Variants in ABCC9 observed in about 807,000 individuals in gnomAD.
The protein encoded by ABCC9 is ATP-binding cassette sub-family C member 9.
A neutral mutation model predicts 188.3 loss-of-function variants in ABCC9; 95 were observed. That is an observed-to-expected ratio of 0.50 (90% confidence interval 0.43 to 0.60). ABCC9 has a LOEUF of 0.60. ABCC9 is among the 20% of genes least tolerant of loss of function. ABCC9 has a pLI of 0.00. For synonymous variants in ABCC9, 659 were observed against 652.7 expected (o/e 1.01, Z -0.15); for missense variants, 1,102 against 1,876.3 (o/e 0.59, Z 7.62).
chr12:21,928,400 G>A (rs1949134561), intron 4 of ABCC9, among the ~76,000 whole-genome samples: 1 of 145,676 alleles, frequency 6.9e-6, no homozygotes, highest in Admixed American at 6.9e-5. Context: ...AGGAAGGGAG[G>A]GAGGGAGGAA....
chr12:21,826,227 T>G (rs1422908935), intron 31 of ABCC9, among the ~76,000 whole-genome samples: 1 of 151,858 alleles, frequency 6.6e-6, no homozygotes, highest in Non-Finnish European at 1.5e-5. Flanking sequence ...ATAAGATCAA[T>G]GCAGATGTAC....
chr12:21,859,648 C>A lies in ABCC9; in HGVS notation c.2443G>T (p.Gly815Ter), dbSNP rs267603423. The stretch of plus-strand genomic sequence containing the variant: ...GCCACACAGATTCTCTGCCTCTGTC[C>A]CCCACTCAGGTTGATGCCCTAGAGA... ...IGERGINLSG[G>*]QRQRICVARA... The change falls in exon 22 of 40, where the codon GGA becomes TGA. Residue 815 changes from glycine to a stop codon, truncating the protein, a stop_gained. Coordinates refer to ENST00000261200, the MANE Select transcript of ABCC9 (RefSeq NM_020297.4). LOFTEE classifies it high-confidence loss of function. 2 of 1,613,830 alleles carry A rather than the reference C, an allele frequency of 1.2e-6. No individual in the cohort carries two copies. The highest frequency in any genetic ancestry group is 1.7e-5 in the Admixed American group (1 of 60,000).
chr12:21,899,299 C>T (rs1019355767), intron 12 of ABCC9, among the ~76,000 whole-genome samples: 21 of 152,176 alleles, frequency 1.4e-4, no homozygotes, highest in Non-Finnish European at 2.4e-4. Context: ...AAGATGTTAA[C>T]ATCACACATA....
chr12:21,909,048 G>A (rs1948189308), intron 10 of ABCC9, among the ~76,000 whole-genome samples: 1 of 151,836 alleles, frequency 6.6e-6, no homozygotes, highest in South Asian at 2.1e-4. Context: ...TGGGGCCAAT[G>A]ACACGTTTAC....
intron 2 of ABCC9, among the ~76,000 whole-genome samples, chr12:21,939,690 C>T (rs1949621959): frequency 6.6e-6 from 1 of 152,140 alleles, no homozygotes; most frequent in African/African-American, 2.4e-5. Flanking sequence ...TAATGTTTCC[C>T]TTTCCACAAG....
At chr12:21,873,225 A>G (rs577269613) in intron 17 of ABCC9, among the ~76,000 whole-genome samples, 82 of 152,096 alleles carry the variant, frequency 5.4e-4, no homozygotes, top group African/African-American at 1.9e-3. Flanking sequence ...TTTCTATTCA[A>G]TTATAGAGAC....
intron 12 of ABCC9, among the ~76,000 whole-genome samples, chr12:21,900,711 T>A (rs982145074): frequency 3.3e-5 from 5 of 152,006 alleles, no homozygotes; most frequent in African/African-American, 4.8e-5. Context: ...AGGATATCAG[T>A]GATGGAAGAT....
chr12:21,917,989 T>C (rs1200742728), intron 5 of ABCC9, among the ~76,000 whole-genome samples: 1 of 151,242 alleles, frequency 6.6e-6, no homozygotes, highest in African/African-American at 2.4e-5. Flanking sequence ...ACTCAATGTG[T>C]ATCTTGTTTT....
chr12:21,811,013 C>G (rs1195231558), intron 36 of ABCC9, among the ~76,000 whole-genome samples: 1 of 152,080 alleles, frequency 6.6e-6, no homozygotes, highest in African/African-American at 2.4e-5. Flanking sequence ...TCATTTTGCT[C>G]TGTGTTCCCA....
At chr12:21,854,391 G>C (rs563729199) in intron 22 of ABCC9, among the ~76,000 whole-genome samples, 1 of 152,080 alleles carries the variant, frequency 6.6e-6, no homozygotes, top group Non-Finnish European at 1.5e-5. Flanking sequence ...ATAGTTAAAG[G>C]GTAATTAAGA....
Position 21,825,240 on chromosome 12 carries a change from C to T in ABCC9, c.3669+3718G>A, listed in dbSNP as rs144218445. Among the ~76,000 whole-genome samples the T allele has an allele frequency of 8.5e-3, 1,287 of 152,278 alleles. 12 individuals are homozygous for T. Among genetic ancestry groups the T allele is most frequent in the Non-Finnish European group, 0.012 (825 of 68,024 alleles). On this transcript the variant is annotated intron_variant, in intron 31 of 39. Transcript: ENST00000261200. ...CATTGTGGAAGACAGTGTGGCCATT[C>T]CTCAAGGATCTAGAACCAGAAATAC...
intron 33 of ABCC9, 74 bp downstream of exon 33, chr12:21,817,113 C>A: frequency 6.6e-7 from 1 of 1,526,622 alleles, no homozygotes; most frequent in Non-Finnish European, 9.0e-7. Flanking sequence ...GCAGAAACAA[C>A]AATGTGCCCA....
At chr12:21,904,061 G>A (rs1947908421) in intron 12 of ABCC9, among the ~76,000 whole-genome samples, 1 of 152,198 alleles carries the variant, frequency 6.6e-6, no homozygotes, top group Non-Finnish European at 1.5e-5. Context: ...AAACAGCATG[G>A]TACTGGTACC....
At chr12:21,823,944 T>G (rs1002067109) in intron 31 of ABCC9, among the ~76,000 whole-genome samples, 1 of 152,312 alleles carries the variant, frequency 6.6e-6, no homozygotes, top group African/African-American at 2.4e-5. Flanking sequence ...CTCTTGTCCT[T>G]TTATGATTTG....
chr12:21,811,413 G>A (rs1942230087), intron 36 of ABCC9, among the ~76,000 whole-genome samples: 1 of 152,184 alleles, frequency 6.6e-6, no homozygotes, highest in Admixed American at 6.5e-5. Context: ...TGGAATAGCA[G>A]TTCTTCCACT....
At chr12:21,814,569 C>A in intron 35 of ABCC9, 75 bp downstream of exon 35, 1 of 1,247,528 alleles carries the variant, frequency 8.0e-7, no homozygotes, top group East Asian at 2.4e-5. Flanking sequence ...TTGATTTCTG[C>A]AGGATTAGGT....
At chr12:21,844,401 G>C in intron 28 of ABCC9, 82 bp downstream of exon 28, 1 of 1,161,942 alleles carries the variant, frequency 8.6e-7, no homozygotes. Flanking sequence ...ATTGTTAATA[G>C]GAATTATACT....
chr12:21,915,514 A>ATATATATATATATTTTTTTTT, intron 7 of ABCC9, among the ~76,000 whole-genome samples, 154 bp downstream of exon 7: 4 of 3,522 alleles, frequency 1.1e-3, no homozygotes, highest in African/African-American at 2.2e-3. Flanking sequence ...ATATATATAT[A>ATATATATATATATTTTTTTTT]TTTTTTTTTT....
intron 3 of ABCC9, among the ~76,000 whole-genome samples, chr12:21,935,769 A>C (rs1004069330): frequency 6.6e-6 from 1 of 152,116 alleles, no homozygotes; most frequent in African/African-American, 2.4e-5. Context: ...TGGTAGGCTC[A>C]ATGGATATTT....
Sources: allele counts gnomAD v4.1 joint callset (sites outside exome capture counted in the v4.1 genomes callset), GRCh38; gene constraint gnomAD v4.1.1; transcripts MANE v1.5; gene names NCBI Gene and HGNC (gene_info 2026-07-23, HGNC 2026-07-21).